Variants in FBXL17 observed in about 807,000 individuals in gnomAD.
FBXL17 encodes the protein F-box and leucine rich repeat protein 17.
A neutral mutation model predicts 66.2 loss-of-function variants in FBXL17; 22 were observed. The ratio of observed to expected loss-of-function variants is 0.33; its 90% CI spans 0.24 to 0.47. The LOEUF (loss-of-function observed/expected upper bound fraction) is 0.47. Ranked by LOEUF, FBXL17 falls within the 20% of genes least tolerant of loss-of-function variation. The probability of loss-of-function intolerance (pLI) is 1.00; values close to 1 mark genes in which losing one functional copy is unlikely to be tolerated. For synonymous variants in FBXL17, 474 were observed against 400.5 expected, an observed-to-expected ratio of 1.18 and a Z score of -2.19; for missense variants, 878 against 948.2, an observed-to-expected ratio of 0.93 and a Z score of 0.97.
intron 7 of FBXL17, among the ~76,000 whole-genome samples, chr5:107,925,333 A>G (rs1442714068): frequency 6.6e-6 from 1 of 152,152 alleles, no homozygotes; most frequent in African/African-American, 2.4e-5. Context: ...ATGTATTTTG[A>G]TCTTGCCACA....
In FBXL17 at chr5:108,322,743, G is replaced by T. The variant is rs574796663; in HGVS notation, c.1506+25656C>A. ...TTAAATTTCCATCAATAATTTAATAGATGTTTCCAAACAGGGTGCTGAGGT... is the reference window on the plus strand; with the variant it reads ...TTAAATTTCCATCAATAATTTAATATATGTTTCCAAACAGGGTGCTGAGGT... On this transcript the variant is annotated intron_variant, in intron 4 of 8. Transcript: ENST00000542267. 1.1e-4 allele frequency among the ~76,000 whole-genome samples: 16 copies of T among 151,932 alleles called. No homozygotes were observed. In the South Asian group the frequency reaches 3.3e-3, roughly 32 times the overall value.
chr5:108,145,880 G>A (rs1377770625), intron 6 of FBXL17, among the ~76,000 whole-genome samples: 2 of 151,100 alleles, frequency 1.3e-5, no homozygotes, highest in African/African-American at 2.4e-5. Flanking sequence ...AATCAGTACC[G>A]ACACTGAGAG....
At chr5:108,243,553 C>G (rs991656725) in intron 4 of FBXL17, among the ~76,000 whole-genome samples, 1 of 152,054 alleles carries the variant, frequency 6.6e-6, no homozygotes, top group African/African-American at 2.4e-5. Context: ...GTAATCTTCC[C>G]AAGATTATAC....
intron 6 of FBXL17, among the ~76,000 whole-genome samples, chr5:108,074,382 T>C (rs1198692079): frequency 3.3e-5 from 5 of 151,946 alleles, no homozygotes; most frequent in Non-Finnish European, 7.4e-5. Context: ...TTTCAATATA[T>C]GTATTTAATG....
chr5:107,972,118 T>C (rs867449478), intron 7 of FBXL17, among the ~76,000 whole-genome samples: 5 of 152,198 alleles, frequency 3.3e-5, no homozygotes, highest in African/African-American at 1.2e-4. Context: ...TTCTTCTTTG[T>C]ATCACTCATA....
chr5:108,287,688 A>T (rs57222565), intron 4 of FBXL17, among the ~76,000 whole-genome samples: 64,562 of 151,816 alleles, frequency 0.43, 14,451 homozygotes, highest in Non-Finnish European at 0.5. Flanking sequence ...TAGTTCAGCC[A>T]TTGGGAAAAG....
At chr5:108,092,422 G>T (rs1195184851) in intron 6 of FBXL17, among the ~76,000 whole-genome samples, 1 of 151,994 alleles carries the variant, frequency 6.6e-6, no homozygotes, top group Non-Finnish European at 1.5e-5. Context: ...TCAGCCTCCC[G>T]AGTAGGAACT....
chr5:108,082,605 C>T (rs540036810), intron 6 of FBXL17, among the ~76,000 whole-genome samples: 2 of 147,136 alleles, frequency 1.4e-5, no homozygotes, highest in East Asian at 4.0e-4. Flanking sequence ...TTTTCCAGTC[C>T]TGGAAATAAT....
At chr5:108,172,118 A>G (rs1752628382) in intron 6 of FBXL17, among the ~76,000 whole-genome samples, 1 of 152,110 alleles carries the variant, frequency 6.6e-6, no homozygotes, top group Non-Finnish European at 1.5e-5. Flanking sequence ...ACTAATATAG[A>G]TGGTCTAAGA....
chr5:107,875,129 T>G (rs1748580840), intron 8 of FBXL17, among the ~76,000 whole-genome samples: 2 of 152,050 alleles, frequency 1.3e-5, no homozygotes, highest in African/African-American at 4.8e-5. Flanking sequence ...TTACTTTATT[T>G]TCTTTGATAT....
intron 6 of FBXL17, among the ~76,000 whole-genome samples, chr5:108,124,325 T>C (rs1561421902): frequency 1.3e-5 from 2 of 152,086 alleles, no homozygotes; most frequent in South Asian, 2.1e-4. Context: ...GGAAAACTTA[T>C]TTTAATTCCA....
chr5:107,973,122 G>T (rs1310653546), intron 7 of FBXL17, among the ~76,000 whole-genome samples: 1 of 152,090 alleles, frequency 6.6e-6, no homozygotes, highest in Admixed American at 6.6e-5. Context: ...CTGAACTGGG[G>T]CTTCAGGAAA....
chr5:107,949,807 G>A (rs1326202267), intron 7 of FBXL17, among the ~76,000 whole-genome samples: 1 of 152,158 alleles, frequency 6.6e-6, no homozygotes, highest in African/African-American at 2.4e-5. Context: ...TTACTGATGA[G>A]GAAATTGATA....
rs985215054 is a variant in FBXL17 at position 108,211,392 on chromosome 5, C to T, written c.1614+12729G>A. 2.0e-5 allele frequency among the ~76,000 whole-genome samples: 3 copies of T among 152,180 alleles called. No individual in the cohort carries two copies. The East Asian group carries it at 5.8e-4, about 29-fold the overall frequency. On this transcript the variant is annotated intron_variant, in intron 5 of 8. Transcript: ENST00000542267. ...TATGATGCTAGCTGGTTCTTTTGCT[C>T]GTTAGTTGATGGAGTTTCTTCATAG... is the stretch of plus-strand genomic sequence containing the variant.
chr5:108,368,478 A>T (rs958860766), intron 1 of FBXL17, among the ~76,000 whole-genome samples: 1 of 152,132 alleles, frequency 6.6e-6, no homozygotes, highest in Non-Finnish European at 1.5e-5. Context: ...TCATAACACC[A>T]ATCTAATAAT....
At chr5:108,244,211 C>T (rs570291084) in intron 4 of FBXL17, among the ~76,000 whole-genome samples, 12 of 152,176 alleles carry the variant, frequency 7.9e-5, no homozygotes, top group African/African-American at 2.9e-4. Flanking sequence ...CTTCTGAATC[C>T]TTTTGCCCAT....
At chr5:108,133,668 G>C (rs1294118258) in intron 6 of FBXL17, among the ~76,000 whole-genome samples, 1 of 151,886 alleles carries the variant, frequency 6.6e-6, no homozygotes, top group Non-Finnish European at 1.5e-5. Context: ...AAAAACGTTG[G>C]TCTATAGGAA....
At chr5:108,323,337 G>A (rs1222250861) in intron 4 of FBXL17, among the ~76,000 whole-genome samples, 1 of 151,170 alleles carries the variant, frequency 6.6e-6, no homozygotes, top group South Asian at 2.1e-4. Flanking sequence ...GAAATTAAGA[G>A]AACTATTCAA....
At chr5:107,895,312 A>AT (rs1749340742) in intron 7 of FBXL17, among the ~76,000 whole-genome samples, 1 of 152,036 alleles carries the variant, frequency 6.6e-6, no homozygotes, top group African/African-American at 2.4e-5. Flanking sequence ...TAAATAGTAA[A>AT]TTTTGGGATC....
Sources: allele counts gnomAD v4.1 joint callset (sites outside exome capture counted in the v4.1 genomes callset), GRCh38; gene constraint gnomAD v4.1.1; transcripts MANE v1.5; gene names NCBI Gene and HGNC (gene_info 2026-07-23, HGNC 2026-07-21).